Variants in DOCK2 observed in about 807,000 individuals in gnomAD.
DOCK2 encodes dedicator of cytokinesis protein 2.
A neutral mutation model predicts 248.9 loss-of-function variants in DOCK2; 87 were observed. The observed-to-expected ratio is 0.35, with a 90% CI of 0.29 to 0.42. DOCK2 has a LOEUF of 0.42. Among genes scored for constraint, DOCK2 ranks in the 10% least tolerant of loss-of-function variants. DOCK2 has a pLI of 1.00. For synonymous variants in DOCK2, 805 were observed against 821.6 expected, an observed-to-expected ratio of 0.98 and a Z score of 0.35; for missense variants, 1,747 against 2,300.2, an observed-to-expected ratio of 0.76 and a Z score of 4.92.
At chr5:169,987,670 T>C (rs1389187536) in intron 29 of DOCK2, among the ~76,000 whole-genome samples, 1 of 152,230 alleles carries the variant, frequency 6.6e-6, no homozygotes, top group Non-Finnish European at 1.5e-5. Context: ...TTAGTCATTT[T>C]TGGGAGAGGC....
intron 9 of DOCK2, among the ~76,000 whole-genome samples, chr5:169,694,679 G>A (rs766237345): frequency 2.6e-5 from 4 of 152,092 alleles, no homozygotes; most frequent in Non-Finnish European, 5.9e-5. Flanking sequence ...ACCAGTTTTG[G>A]CTTTTCTAGA....
intron 32 of DOCK2, among the ~76,000 whole-genome samples, chr5:170,011,449 A>G (rs146339221): frequency 4.0e-5 from 6 of 150,960 alleles, no homozygotes; most frequent in Non-Finnish European, 8.8e-5. Flanking sequence ...GAATTAATGC[A>G]ATTAAAAGAT....
chr5:169,852,860 C>T (rs957952349), intron 27 of DOCK2, among the ~76,000 whole-genome samples: 3 of 152,200 alleles, frequency 2.0e-5, no homozygotes, highest in Non-Finnish European at 2.9e-5. Flanking sequence ...ATAAGGCACA[C>T]TGTGTCTGCT....
intron 25 of DOCK2, among the ~76,000 whole-genome samples, chr5:169,801,985 C>G (rs1423511123): frequency 1.3e-5 from 2 of 151,846 alleles, no homozygotes; most frequent in Non-Finnish European, 2.9e-5. Context: ...TATTGCAGCT[C>G]AAGCAGCATC....
At chr5:169,775,495 T>C (rs1223505020) in intron 25 of DOCK2, among the ~76,000 whole-genome samples, 5 of 152,084 alleles carry the variant, frequency 3.3e-5, no homozygotes, top group Admixed American at 3.3e-4. Context: ...TCAAATGATA[T>C]AGAAAACAGA....
chr5:169,823,652 A>G (rs1581244600), intron 26 of DOCK2, among the ~76,000 whole-genome samples: 1 of 152,234 alleles, frequency 6.6e-6, no homozygotes. Context: ...TGACAAACCC[A>G]CAGCCAATAT....
At chr5:169,658,980 CATTATTATTATTATTATT>C (rs200506411) in intron 2 of DOCK2, among the ~76,000 whole-genome samples, 19,617 of 136,212 alleles carry the variant, frequency 0.14, 1,652 homozygotes, top group South Asian at 0.28. Flanking sequence ...TACAAGACTG[CATTATTATTATTATTATT>C]ATTATTATTA....
At chr5:169,857,772 A>G (rs1014937638) in intron 27 of DOCK2, among the ~76,000 whole-genome samples, 2 of 152,246 alleles carry the variant, frequency 1.3e-5, no homozygotes, top group African/African-American at 4.8e-5. Flanking sequence ...ACACGTACAT[A>G]AACCAAAACC....
At chr5:169,669,445 C>A in intron 3 of DOCK2, 117 bp downstream of exon 3, 2 of 1,123,220 alleles carry the variant, frequency 1.8e-6, no homozygotes, top group South Asian at 1.3e-5. Flanking sequence ...CCATCTCTCC[C>A]TCCTGTGCCC....
intron 8 of DOCK2, among the ~76,000 whole-genome samples, 168 bp downstream of exon 8, chr5:169,684,518 T>C (rs1014036549): frequency 6.6e-6 from 1 of 152,200 alleles, no homozygotes; most frequent in Non-Finnish European, 1.5e-5. Context: ...CAAGTGGAAG[T>C]GTTATTTACC....
intron 14 of DOCK2, among the ~76,000 whole-genome samples, chr5:169,703,167 G>A (rs1761077449): frequency 2.0e-5 from 3 of 152,102 alleles, no homozygotes; most frequent in African/African-American, 7.2e-5. Flanking sequence ...AGAAATTTTA[G>A]CATGGGCGAA....
At chr5:169,825,732 C>T (rs1245913948) in intron 26 of DOCK2, among the ~76,000 whole-genome samples, 1 of 150,976 alleles carries the variant, frequency 6.6e-6, no homozygotes, top group East Asian at 1.9e-4. Flanking sequence ...AACAAACCTG[C>T]ACGTTGTGCA....
chr5:169,755,491 C>T (rs1357043062), intron 23 of DOCK2, among the ~76,000 whole-genome samples: 2 of 151,988 alleles, frequency 1.3e-5, no homozygotes, highest in East Asian at 3.9e-4. Context: ...GCCTGTAATC[C>T]CAGCACTTTG....
At chr5:169,899,737 G>C (rs375461601) in intron 27 of DOCK2, among the ~76,000 whole-genome samples, 1 of 152,122 alleles carries the variant, frequency 6.6e-6, no homozygotes, top group Non-Finnish European at 1.5e-5. Flanking sequence ...TCCATTCCTT[G>C]TTGGCATACA....
intron 27 of DOCK2, among the ~76,000 whole-genome samples, chr5:169,904,008 G>C (rs1233531059): frequency 6.7e-6 from 1 of 149,368 alleles, no homozygotes; most frequent in Non-Finnish European, 1.5e-5. Context: ...CATGAGAATT[G>C]CTTGAGCCTG....
chr5:169,700,943 G>GAGAAAGAAAGAA (rs34443091), intron 13 of DOCK2, among the ~76,000 whole-genome samples: 14 of 150,384 alleles, frequency 9.3e-5, no homozygotes, highest in African/African-American at 2.2e-4. Context: ...AAAAGAAGGA[G>GAGAAAGAAAGAA]AGAAAGAAAG....
At chr5:170,003,043 G>C (rs1754894979) in intron 30 of DOCK2, among the ~76,000 whole-genome samples, 1 of 152,206 alleles carries the variant, frequency 6.6e-6, no homozygotes, top group Non-Finnish European at 1.5e-5. Context: ...CATGGAATTA[G>C]AGATACAAAT....
intron 27 of DOCK2, among the ~76,000 whole-genome samples, chr5:169,869,346 A>T (rs909480726): frequency 9.2e-5 from 14 of 152,232 alleles, no homozygotes; most frequent in Non-Finnish European, 1.8e-4. Flanking sequence ...TGAACAATTT[A>T]AAGGGGATTG....
chr5:169,756,680 C>A (rs1043926079), intron 23 of DOCK2, among the ~76,000 whole-genome samples: 4 of 152,172 alleles, frequency 2.6e-5, no homozygotes, highest in Non-Finnish European at 5.9e-5. Context: ...GAGCCCAGCA[C>A]TTTGGGAGGT....
Sources: gnomAD v4.1 joint callset for allele counts (sites outside exome capture counted in the v4.1 genomes callset) on GRCh38, gnomAD v4.1.1 for gene constraint, MANE v1.5 for transcripts, NCBI Gene and HGNC (gene_info 2026-07-23, HGNC 2026-07-21) for gene names.